Variants in TBX18 observed in about 807,000 individuals in gnomAD.
The protein encoded by TBX18 is T-box transcription factor TBX18.
TBX18 carries 21 observed loss-of-function variants against 55.0 expected under a neutral mutation model. The ratio of observed to expected loss-of-function variants is 0.38; its 90% confidence interval spans 0.27 to 0.55. The LOEUF is 0.55. Ranked by LOEUF, TBX18 falls within the 20% of genes least tolerant of loss-of-function variation. TBX18 has a pLI of 0.73. For missense variants in TBX18, 840 were observed against 799.6 expected, an observed-to-expected ratio of 1.05 and a Z score of -0.61; for synonymous variants, 342 against 326.1, an observed-to-expected ratio of 1.05 and a Z score of -0.53.
At chr6:84,762,421 T>G in intron 2 of TBX18, 123 bp downstream of exon 2, 4 of 1,199,008 alleles carry the variant, frequency 3.3e-6, no homozygotes, top group Non-Finnish European at 3.7e-6. Context: ...CCTGGTCCCG[T>G]TTGACCGAAA....
chr6:84,748,724 T>C (rs1465957991), intron 4 of TBX18, among the ~76,000 whole-genome samples: 1 of 152,136 alleles, frequency 6.6e-6, no homozygotes, highest in Non-Finnish European at 1.5e-5. Context: ...GCTGGGGAAA[T>C]CTGATAATAT....
intron 4 of TBX18, among the ~76,000 whole-genome samples, chr6:84,750,703 G>A (rs2127876994): frequency 6.6e-6 from 1 of 152,110 alleles, no homozygotes. Flanking sequence ...TATTTTTTGG[G>A]CAGGCATCAT....
Position 84,764,176 on chromosome 6 carries a change from G to C in TBX18, c.6C>G (p.Ala2=), listed in dbSNP as rs767312523. The C allele has an allele frequency of 5.2e-5, 77 of 1,476,268 alleles. No homozygotes were observed. Among genetic ancestry groups the C allele is most frequent in the East Asian group, 7.6e-5 (3 of 39,592 alleles). The allele number at this position is 1,476,268 out of a possible 1,614,324, so 91.4% of individuals were successfully genotyped here. The change falls in exon 1 of 8, where the codon GCC becomes GCG. Residue 2 remains alanine (A), a synonymous_variant. Coordinates refer to ENST00000369663, the MANE Select transcript of TBX18 (RefSeq NM_001080508.3). M[A]EKRRGSPCSM... ...TGCACGGCGAGCCCCTTCGCTTCTC[G>C]GCCATCCCCCCCGCCCCGCGCCCGC...
At position 84,764,055 on chromosome 6, in the gene TBX18, C is replaced by G; in HGVS notation, c.127G>C (p.Ala43Pro). The change falls in exon 1 of 8, where the codon GCC becomes CCC. Residue 43 changes from alanine (A) to proline (P), a missense_variant. Transcript: ENST00000369663. The stretch of plus-strand genomic sequence containing the variant: ...TCCACGGCCCCCGCCGCCTCTTCGG[C>G]GCCCAGTTTTCGCCGCTTCTTCTGA... ...QLQKKRRKLG[A>P]EEAAGAVDDG... The G allele has an allele frequency of 6.4e-7, 1 of 1,564,854 alleles. No homozygotes were observed. The highest frequency in any genetic ancestry group is 8.6e-7 in the Non-Finnish European group (1 of 1,158,464).
At chr6:84,746,843 T>A (rs1767208405) in intron 5 of TBX18, among the ~76,000 whole-genome samples, 1 of 150,774 alleles carries the variant, frequency 6.6e-6, no homozygotes, top group Admixed American at 6.6e-5. Context: ...ATTATTAGCA[T>A]GGTCCTATAT....
rs141029215 is a variant in TBX18, at chr6:84,750,362, A to C, written c.772-2275T>G. Among the ~76,000 whole-genome samples the C allele has an allele frequency of 6.6e-5, 10 of 152,132 alleles. No individual in the cohort carries two copies. In the East Asian group the frequency reaches 1.7e-3, roughly 26 times the overall value. ...CACAATATCTCAGCAGGGTTGAAAG[A>C]TATCTTGCAGACATGTGGACCCAGT... On this transcript the variant is annotated intron_variant, in intron 4 of 7. Transcript: ENST00000369663.
chr6:84,754,357 C>T (rs1767430803), intron 4 of TBX18, among the ~76,000 whole-genome samples: 3 of 152,166 alleles, frequency 2.0e-5, no homozygotes, highest in Admixed American at 1.3e-4. Context: ...GTAATACGTA[C>T]GTACATTTTT....
intron 3 of TBX18, among the ~76,000 whole-genome samples, chr6:84,759,132 G>C (rs1399818737): frequency 6.6e-6 from 1 of 152,066 alleles, no homozygotes; most frequent in African/African-American, 2.4e-5. Context: ...ATGTTTTCTA[G>C]CTTCTGTCAT....
intron 2 of TBX18, 100 bp from the exon 3 acceptor site, chr6:84,760,456 A>G (rs1767619400): frequency 1.5e-6 from 1 of 679,254 alleles, no homozygotes; most frequent in Admixed American, 3.2e-5. Context: ...TCTATTTTTA[A>G]TATGGATAAA....
At position 84,763,956 on chromosome 6, in the gene TBX18, G is replaced by A. The variant is rs952588510; in HGVS notation, c.226C>T (p.Pro76Ser). The A allele has an allele frequency of 3.8e-6, 6 of 1,579,408 alleles. No individual in the cohort carries two copies. Among genetic ancestry groups the A allele is most frequent in the Non-Finnish European group, 5.1e-6 (6 of 1,168,916 alleles). ...SSEGDEGAAL[P>S]PPAGATSGPA... The stretch of plus-strand genomic sequence containing the variant: ...CCAGACGTCGCCCCAGCCGGCGGCG[G>A]GAGCGCAGCGCCTTCGTCTCCCTCA... Residue 76 changes from proline (P) to serine (S), a missense_variant, in exon 1 of 8, where the codon CCG becomes TCG. Physicochemically the swap from Pro to Ser is moderately conservative, Grantham distance 74 (BLOSUM62 -1). Transcript: ENST00000369663.
chr6:84,737,960 T>C (rs920212242), intron 7 of TBX18, among the ~76,000 whole-genome samples: 2 of 152,154 alleles, frequency 1.3e-5, no homozygotes, highest in Non-Finnish European at 2.9e-5. Flanking sequence ...CTGAGAGTGT[T>C]ACCTATGGAG....
At chr6:84,756,013 T>A (rs997069334) in intron 4 of TBX18, among the ~76,000 whole-genome samples, 7 of 152,196 alleles carry the variant, frequency 4.6e-5, no homozygotes, top group African/African-American at 1.7e-4. Context: ...AACCTAATTT[T>A]AAAAATGCTG....
chr6:84,738,650 A>C (rs1270658391), intron 6 of TBX18, 59 bp from the exon 7 acceptor site: 1 of 1,267,536 alleles, frequency 7.9e-7, no homozygotes, highest in Non-Finnish European at 1.2e-6. Context: ...GAGCATTTGG[A>C]TCTTTCACCA....
At position 84,748,058 on chromosome 6, in the gene TBX18, T is replaced by C. The variant is rs748771515; in HGVS notation, c.801A>G (p.Gln267=). ...CTTTACGGATGACGTGCACTCGCGG[T>C]TGGTATTTGTGCATAGAATGAAGAA... ...HIILHSMHKY[Q]PRVHVIRKDC... Residue 267 remains glutamine, a synonymous_variant, in exon 5 of 8, where the codon CAA becomes CAG. Coordinates refer to ENST00000369663, the MANE Select transcript of TBX18 (RefSeq NM_001080508.3). 2.5e-6 allele frequency: 4 copies of C among 1,612,340 alleles called. No homozygotes were observed. The African/African-American group carries it at 5.3e-5, about 22-fold the overall frequency.
chr6:84,764,313 G>A lies in TBX18; in HGVS notation c.-132C>T. 8.1e-7 allele frequency: 1 copy of A among 1,241,672 alleles called. No homozygotes were observed. The highest frequency in any genetic ancestry group is 1.0e-6 in the Non-Finnish European group (1 of 960,024). 76.9% of individuals were successfully genotyped at this position (1,241,672 alleles called of 1,614,324 possible). ...CGAGATCTGCCCCCTTCCCCACCGC[G>A]GGCAAAAAACAGATTTGGCGTTTCC... On this transcript the variant is annotated 5_prime_UTR_variant, in exon 1 of 8. Coordinates refer to ENST00000369663, the MANE Select transcript of TBX18 (RefSeq NM_001080508.3).
chr6:84,754,476 C>T (rs1336490222), intron 4 of TBX18, among the ~76,000 whole-genome samples: 1 of 152,184 alleles, frequency 6.6e-6, no homozygotes, highest in Non-Finnish European at 1.5e-5. Flanking sequence ...CATCCTGCTA[C>T]AACCTTAAAA....
chr6:84,760,158 T>C (rs1172442334), intron 3 of TBX18, 97 bp downstream of exon 3: 9 of 696,778 alleles, frequency 1.3e-5, no homozygotes, highest in African/African-American at 1.8e-5. Flanking sequence ...TACAGACTTC[T>C]GGAAGCAAAG....
chr6:84,747,835 A>T, intron 5 of TBX18, 85 bp downstream of exon 5: 1 of 1,259,044 alleles, frequency 7.9e-7, no homozygotes, highest in Non-Finnish European at 1.1e-6. Context: ...TATAATTCAT[A>T]ATATTTAGAG....
chr6:84,737,004 G>C lies in TBX18; in HGVS notation c.1505C>G (p.Ser502Ter), dbSNP rs1383863196. The part of the protein sequence containing the change: ...MSPQLQYIMP[S>*]PSSNAFATNQ... Reference sequence around the variant, plus strand: ...AGTGGCGAAGGCATTGCTGGAGGGTGATGGCATGATATACTGGAGCTGGGG... The same window carrying C: ...AGTGGCGAAGGCATTGCTGGAGGGTCATGGCATGATATACTGGAGCTGGGG... Residue 502 changes from serine to a stop codon, truncating the protein, a stop_gained, in exon 8 of 8, where the codon TCA (serine) becomes TGA (stop). Coordinates refer to ENST00000369663, the MANE Select transcript of TBX18 (RefSeq NM_001080508.3). LOFTEE classifies it high-confidence loss of function. 6.2e-7 allele frequency: 1 copy of C among 1,613,320 alleles called. No individual in the cohort carries two copies. The highest frequency in any genetic ancestry group is 2.2e-5 in the East Asian group (1 of 44,888).
Sources: gnomAD v4.1 joint callset for allele counts (sites outside exome capture counted in the v4.1 genomes callset) on GRCh38, gnomAD v4.1.1 for gene constraint, MANE v1.5 for transcripts, NCBI Gene and HGNC (gene_info 2026-07-23, HGNC 2026-07-21) for gene names.